The following HELT variants were observed in gnomAD, a reference collection of about 807,000 sequenced individuals.
HELT encodes the protein hairy and enhancer of split-related protein HELT.
HELT carries 9 observed loss-of-function variants against 19.5 expected under a neutral mutation model. The observed-to-expected ratio is 0.46, with a 90% CI of 0.28 to 0.80. The LOEUF is 0.80. Among genes scored for constraint, HELT ranks in the 30% least tolerant of loss-of-function variants. The pLI, the probability that HELT is intolerant of heterozygous loss-of-function variation, is 0.12. For missense variants in HELT, 366 were observed against 326.3 expected, an observed-to-expected ratio of 1.12 and a Z score of -0.94; for synonymous variants, 162 against 148.3, an observed-to-expected ratio of 1.09 and a Z score of -0.67.
chr4:185,019,899 A>T, intron 3 of HELT, 56 bp downstream of exon 3: 2 of 1,473,610 alleles, frequency 1.4e-6, no homozygotes, highest in Non-Finnish European at 1.9e-6. Context: ...CCACCCAGAG[A>T]CCCTGGGGCT....
rs1733966188 is a variant in HELT at position 185,018,773 on chromosome 4, G to A, written c.-156G>A. The A allele has an allele frequency of 1.7e-6, 1 of 587,066 alleles. No individual in the cohort carries two copies. Among genetic ancestry groups the A allele is most frequent in the Non-Finnish European group, 2.9e-6 (1 of 345,708 alleles). The allele number at this position is 587,066 out of a possible 1,614,324, so 36.4% of individuals were successfully genotyped here. ...CTAATCCTATGGAATAATTCAACTC[G>A]TGAATGCATCTGGAGCCCTAGATGA... On this transcript the variant is annotated 5_prime_UTR_variant, in exon 1 of 4. In the 5' UTR this introduces an upstream ATG that the reference lacks. Coordinates refer to ENST00000515777, the MANE Select transcript of HELT (RefSeq NM_001300781.2).
Position 185,020,335 on chromosome 4 carries a change from C to T in HELT, c.292C>T (p.Leu98=). The part of the protein sequence containing the change: ...HYGYHECMKN[L]VHYLTTVERM... Reference sequence around the variant, plus strand: ...TGGCTACCACGAGTGCATGAAGAACCTGGTGCATTACCTCACCACGGTGGA... The same window carrying T: ...TGGCTACCACGAGTGCATGAAGAACTTGGTGCATTACCTCACCACGGTGGA... Residue 98 remains leucine (L), a synonymous_variant, in exon 4 of 4, where the codon CTG becomes TTG. Coordinates refer to ENST00000515777, the MANE Select transcript of HELT (RefSeq NM_001300781.2). 2 of 1,614,234 alleles carry T rather than the reference C, an allele frequency of 1.2e-6. No homozygotes were observed. The highest frequency in any genetic ancestry group is 1.7e-6 in the Non-Finnish European group (2 of 1,180,044).
At chr4:185,019,263 C>CT (rs1403190577) in intron 1 of HELT, 124 bp from the exon 2 acceptor site, 2 of 1,115,264 alleles carry the variant, frequency 1.8e-6, no homozygotes, top group Non-Finnish European at 2.5e-6. Context: ...CCAGGAGTCC[C>CT]TTCCTAGAGC....
intron 1 of HELT, 78 bp from the exon 2 acceptor site, chr4:185,019,309 T>G: frequency 7.8e-7 from 1 of 1,276,262 alleles, no homozygotes; most frequent in South Asian, 1.3e-5. Context: ...AGAGGCGGCT[T>G]GCACCCAGCT....
intron 2 of HELT, 79 bp downstream of exon 2, chr4:185,019,570 G>A: frequency 6.5e-7 from 1 of 1,550,168 alleles, no homozygotes; most frequent in South Asian, 1.2e-5. Flanking sequence ...CCGAGCCCGC[G>A]GACACAGAGG....
At position 185,019,385 on chromosome 4, in the gene HELT, A is replaced by T. The variant is rs1205075527; in HGVS notation, c.28-2A>T. On this transcript the variant is annotated splice_acceptor_variant, in intron 1 of 3. Transcript: ENST00000515777. LOFTEE classifies it high-confidence loss of function. ...CCTAAACATACAACCCTCTCTTCGCAGAGAACCCCCGTTTCTCATAAAGTG... is the reference window on the plus strand; with the variant it reads ...CCTAAACATACAACCCTCTCTTCGCTGAGAACCCCCGTTTCTCATAAAGTG... 1 of 1,608,506 alleles carries T rather than the reference A, an allele frequency of 6.2e-7. No individual in the cohort carries two copies. The highest frequency in any genetic ancestry group is 1.7e-5 in the Admixed American group (1 of 59,556).
chr4:185,019,784 T>C lies in HELT; in HGVS notation c.170T>C (p.Met57Thr). 1 of 1,613,810 alleles carries C rather than the reference T, an allele frequency of 6.2e-7. No homozygotes were observed. Among genetic ancestry groups the C allele is most frequent in the Admixed American group, 1.7e-5 (1 of 60,020 alleles). The change falls in exon 3 of 4, where the codon ATG becomes ACG. Residue 57 changes from methionine to threonine, a missense_variant. By Grantham distance (81) the Met-to-Thr change is moderately conservative (BLOSUM62 -1). Coordinates refer to ENST00000515777, the MANE Select transcript of HELT (RefSeq NM_001300781.2). ...GKLEKAEILE[M>T]TVQYLRALHS... ...CTGGAGAAGGCGGAGATCCTCGAGA[T>C]GACCGTTCAGTACCTGAGAGCACTG...
At position 185,020,319 on chromosome 4, in the gene HELT, C is replaced by A. The variant is rs777184573; in HGVS notation, c.276C>A (p.His92Gln). The change falls in exon 4 of 4, where the codon CAC becomes CAA. Residue 92 changes from histidine (H) to glutamine (Q), a missense_variant. Physicochemically the swap from His to Gln is conservative, Grantham distance 24. Coordinates refer to ENST00000515777, the MANE Select transcript of HELT (RefSeq NM_001300781.2). ...CCAACTACTTCCACTATGGCTACCA[C>A]GAGTGCATGAAGAACCTGGTGCATT... is the stretch of plus-strand genomic sequence containing the variant. ...EFANYFHYGYHECMKNLVHYL... is the reference protein window; with the variant it reads ...EFANYFHYGYQECMKNLVHYL... 3 of 1,614,198 alleles carry A rather than the reference C, an allele frequency of 1.9e-6. No individual in the cohort carries two copies. The highest frequency in any genetic ancestry group is 1.7e-5 in the Admixed American group (1 of 60,034).
intron 1 of HELT, 161 bp downstream of exon 1, chr4:185,019,116 G>A (rs1733981391): frequency 6.3e-7 from 1 of 1,588,232 alleles, no homozygotes; most frequent in Non-Finnish European, 8.6e-7. Flanking sequence ...GTAGAGAGAG[G>A]AGGGTGCTCA....
rs748356291 is a variant in HELT at position 185,020,501 on chromosome 4, G to T, written c.458G>T (p.Gly153Val). The T allele has an allele frequency of 1.2e-6, 2 of 1,612,516 alleles. No individual in the cohort carries two copies. Among genetic ancestry groups the T allele is most frequent in the South Asian group, 2.2e-5 (2 of 91,070 alleles). ...PDFSYQLHPA[G>V]PEFAGHSPGE... ...TTCTCCTATCAGCTGCACCCTGCGG[G>T]GCCCGAATTCGCTGGTCACAGCCCG... Residue 153 changes from glycine to valine, a missense_variant, in exon 4 of 4, where the codon GGG (glycine) becomes GTG (valine). Transcript: ENST00000515777.
At position 185,019,503 on chromosome 4, in the gene HELT, G is replaced by A; in HGVS notation, c.132+12G>A. 4 of 1,597,006 alleles carry A rather than the reference G, an allele frequency of 2.5e-6. No homozygotes were observed. The highest frequency in any genetic ancestry group is 3.4e-6 in the Non-Finnish European group (4 of 1,171,092). The stretch of plus-strand genomic sequence containing the variant: ...CCTTGGCGAAGCAGGTAACGTTGGC[G>A]ACCCGGAGCCGGGTGCCAGGCGTTG... On this transcript the variant is annotated intron_variant, in intron 2 of 3. Transcript: ENST00000515777.
At position 185,020,505 on chromosome 4, in the gene HELT, C is replaced by T. The variant is rs749559803; in HGVS notation, c.462C>T (p.Pro154=). ...CCTATCAGCTGCACCCTGCGGGGCC[C>T]GAATTCGCTGGTCACAGCCCGGGCG... ...DFSYQLHPAG[P]EFAGHSPGEA... Residue 154 remains proline (P), a synonymous_variant, in exon 4 of 4, where the codon CCC becomes CCT. Transcript: ENST00000515777. 4 of 1,612,256 alleles carry T rather than the reference C, an allele frequency of 2.5e-6. No individual in the cohort carries two copies. The South Asian group carries it at 4.4e-5, about 18-fold the overall frequency.
At position 185,020,526 on chromosome 4, in the gene HELT, G is replaced by A. The variant is rs1205186833; in HGVS notation, c.483G>A (p.Pro161=). ...GGCCCGAATTCGCTGGTCACAGCCC[G>A]GGCGAGGCCGCTGTGTTCCCGCAGG... ...PAGPEFAGHS[P]GEAAVFPQGS... is the part of the protein sequence containing the mutation. The change falls in exon 4 of 4, where the codon CCG becomes CCA. Residue 161 remains proline (P), a synonymous_variant. Transcript: ENST00000515777. 6.2e-7 allele frequency: 1 copy of A among 1,609,546 alleles called. No homozygotes were observed. The highest frequency in any genetic ancestry group is 8.5e-7 in the Non-Finnish European group (1 of 1,179,640).
Position 185,020,572 on chromosome 4 carries a change from C to T in HELT, c.529C>T (p.Pro177Ser). Residue 177 changes from proline to serine, a missense_variant, in exon 4 of 4, where the codon CCC (proline) becomes TCC (serine). Pro to Ser is a moderately conservative substitution (Grantham distance 74, BLOSUM62 -1). Transcript: ENST00000515777. ...GCAGGGCTCTGGTGCCGGGCCTTTC[C>T]CCTGGCCGCCTGGCGCGGCCCGCAG... ...FPQGSGAGPFPWPPGAARSPA... is the reference protein window; with the variant it reads ...FPQGSGAGPFSWPPGAARSPA... 3 of 1,597,434 alleles carry T rather than the reference C, an allele frequency of 1.9e-6. No individual in the cohort carries two copies. Among genetic ancestry groups the T allele is most frequent in the Non-Finnish European group, 2.6e-6 (3 of 1,176,082 alleles).
intron 1 of HELT, 165 bp downstream of exon 1, chr4:185,019,120 G>T (rs1253860415): frequency 6.3e-7 from 1 of 1,577,644 alleles, no homozygotes; most frequent in African/African-American, 1.3e-5. Flanking sequence ...AGAGAGGAGG[G>T]TGCTCAACCA....
At chr4:185,019,724 A>G (rs770586524) in intron 2 of HELT, 23 bp from the exon 3 acceptor site, 1 of 1,612,872 alleles carries the variant, frequency 6.2e-7, no homozygotes, top group Non-Finnish European at 8.5e-7. Context: ...GGCCGCTGCG[A>G]GGGGCCCTTC....
intron 1 of HELT, 189 bp downstream of exon 1, chr4:185,019,144 C>A: frequency 6.5e-7 from 1 of 1,539,494 alleles, no homozygotes; most frequent in Non-Finnish European, 8.8e-7. Flanking sequence ...AGAAGTCCTG[C>A]CTGGAGGCTG....
In HELT at chr4:185,018,894, G is replaced by T; in HGVS notation, c.-35G>T. ...GCGGAAAAGTGGACGGGTGCCCCGCGCCACCGCCTCTCCCGAGGGCGCGTA... is the reference window on the plus strand; with the variant it reads ...GCGGAAAAGTGGACGGGTGCCCCGCTCCACCGCCTCTCCCGAGGGCGCGTA... On this transcript the variant is annotated 5_prime_UTR_variant, in exon 1 of 4. Transcript: ENST00000515777. The T allele has an allele frequency of 6.4e-7, 1 of 1,550,990 alleles. No individual in the cohort carries two copies. The highest frequency in any genetic ancestry group is 8.7e-7 in the Non-Finnish European group (1 of 1,142,888).
intron 3 of HELT, 27 bp downstream of exon 3, chr4:185,019,870 C>T (rs539825077): frequency 1.3e-6 from 2 of 1,596,680 alleles, no homozygotes; most frequent in East Asian, 4.5e-5. Flanking sequence ...GAATGGGACG[C>T]CTGGGCCAGG....
Sources: gnomAD v4.1 joint callset for allele counts on GRCh38, gnomAD v4.1.1 for gene constraint, MANE v1.5 for transcripts, NCBI Gene and HGNC (gene_info 2026-07-23, HGNC 2026-07-21) for gene names.